The following LRRTM4 variants were observed in gnomAD, a reference collection of about 807,000 sequenced individuals.
LRRTM4 encodes leucine-rich repeat transmembrane neuronal protein 4.
LRRTM4 carries 25 observed loss-of-function variants against 47.6 expected under a neutral mutation model. The observed-to-expected ratio is 0.53, with a 90% confidence interval of 0.38 to 0.73. The LOEUF is 0.73. Ranked by LOEUF, LRRTM4 falls within the 30% of genes least tolerant of loss-of-function variation. The probability of loss-of-function intolerance (pLI) is 0.00; values close to 1 mark genes in which losing one functional copy is unlikely to be tolerated. For missense variants in LRRTM4, 638 were observed against 713.4 expected, an observed-to-expected ratio of 0.89 and a Z score of 1.20; for synonymous variants, 311 against 269.5, an observed-to-expected ratio of 1.15 and a Z score of -1.51.
In LRRTM4 at chr2:77,010,690, C is replaced by T. The variant is rs181586003; in HGVS notation, c.1552-261774G>A. On this transcript the variant is annotated intron_variant, in intron 3 of 3. Coordinates refer to ENST00000409884, the MANE Select transcript of LRRTM4 (RefSeq NM_001134745.3). The stretch of plus-strand genomic sequence containing the variant: ...AAACAGAACTCTTTTGTATCATGTT[C>T]AAAACTGTATCTGCCTTCTTTTCTC... Among the ~76,000 whole-genome samples the T allele has an allele frequency of 3.7e-4, 56 of 152,098 alleles. 1 individual carries two copies. The highest frequency in any genetic ancestry group is 3.2e-3 in the Admixed American group (49 of 15,232).
chr2:77,223,548 A>T (rs1192149517), intron 3 of LRRTM4, among the ~76,000 whole-genome samples: 1 of 152,220 alleles, frequency 6.6e-6, no homozygotes, highest in East Asian at 1.9e-4. Flanking sequence ...AATCACAAGC[A>T]TTCTTATACA....
At chr2:76,816,644 TAATA>T (rs1019072744) in intron 3 of LRRTM4, among the ~76,000 whole-genome samples, 5 of 151,788 alleles carry the variant, frequency 3.3e-5, no homozygotes, top group African/African-American at 1.2e-4. Flanking sequence ...CATATTTTCT[TAATA>T]ATTAGTTCCC....
At position 77,457,052 on chromosome 2, in the gene LRRTM4, G is replaced by GTATATATATATA. The variant is rs1322489175; in HGVS notation, c.1551+61265_1551+61266insTATATATATATA. On this transcript the variant is annotated intron_variant, in intron 3 of 3. Coordinates refer to ENST00000409884, the MANE Select transcript of LRRTM4 (RefSeq NM_001134745.3). ...TATATATATATATATATATATATAT[G>GTATATATATATA]TATAACCTGGAACTCTTTGACAAGC... Among the ~76,000 whole-genome samples the GTATATATATATA allele has an allele frequency of 2.3e-4, 2 of 8,792 alleles. 1 individual carries two copies. Among genetic ancestry groups the GTATATATATATA allele is most frequent in the East Asian group, 4.6e-3 (2 of 436 alleles). 5.8% of individuals were successfully genotyped at this position (8,792 alleles called of 152,430 possible). A position where few individuals can be genotyped will look rare whatever the true frequency, so the allele number is the denominator to read the frequency against.
chr2:77,463,884 C>A (rs753160611), intron 3 of LRRTM4, among the ~76,000 whole-genome samples: 1 of 152,076 alleles, frequency 6.6e-6, no homozygotes, highest in Non-Finnish European at 1.5e-5. Context: ...ATTACCAGCG[C>A]ACCATTATAC....
intron 3 of LRRTM4, among the ~76,000 whole-genome samples, chr2:76,911,999 ACT>A (rs1674082280): frequency 7.1e-6 from 1 of 140,736 alleles, no homozygotes; most frequent in Non-Finnish European, 1.5e-5. Flanking sequence ...GCCGATCTCC[ACT>A]CACTGCAAGC....
chr2:77,151,489 T>C (rs1174536683), intron 3 of LRRTM4, among the ~76,000 whole-genome samples: 1 of 152,216 alleles, frequency 6.6e-6, no homozygotes, highest in Non-Finnish European at 1.5e-5. Flanking sequence ...AGAGGTTCAT[T>C]GTAGCATTAT....
intron 3 of LRRTM4, among the ~76,000 whole-genome samples, chr2:77,003,847 G>T (rs2104033723): frequency 6.6e-6 from 1 of 152,278 alleles, no homozygotes; most frequent in Non-Finnish European, 1.5e-5. Flanking sequence ...ACTTCTTAGA[G>T]ACTTGTTGAA....
At chr2:77,497,569 C>A (rs1678411324) in intron 3 of LRRTM4, among the ~76,000 whole-genome samples, 1 of 151,284 alleles carries the variant, frequency 6.6e-6, no homozygotes, top group African/African-American at 2.4e-5. Context: ...AATATTAAGT[C>A]TACATCTACA....
chr2:77,290,000 T>G (rs1310324469), intron 3 of LRRTM4, among the ~76,000 whole-genome samples: 1 of 149,122 alleles, frequency 6.7e-6, no homozygotes, highest in African/African-American at 2.6e-5. Context: ...ACTTCTTCTT[T>G]AAGTTTGTTT....
At chr2:77,003,441 C>T (rs976129962) in intron 3 of LRRTM4, among the ~76,000 whole-genome samples, 1 of 152,036 alleles carries the variant, frequency 6.6e-6, no homozygotes, top group African/African-American at 2.4e-5. Flanking sequence ...CTGAATCATG[C>T]AGATGGGTTT....
intron 3 of LRRTM4, among the ~76,000 whole-genome samples, chr2:76,958,897 T>C (rs956200123): frequency 6.6e-6 from 1 of 151,690 alleles, no homozygotes; most frequent in Non-Finnish European, 1.5e-5. Context: ...AGTATCTTGC[T>C]GGACTAGTTT....
intron 3 of LRRTM4, among the ~76,000 whole-genome samples, chr2:76,838,706 A>T (rs1038337304): frequency 6.6e-6 from 1 of 152,080 alleles, no homozygotes; most frequent in Non-Finnish European, 1.5e-5. Flanking sequence ...GAAACATGTA[A>T]AAATGCATTT....
chr2:77,054,261 G>T (rs1285742700), intron 3 of LRRTM4, among the ~76,000 whole-genome samples: 1 of 151,522 alleles, frequency 6.6e-6, no homozygotes, highest in Non-Finnish European at 1.5e-5. Context: ...ACAAGTAATG[G>T]TTTCCAGCAA....
chr2:77,471,318 A>G (rs1677179694), intron 3 of LRRTM4, among the ~76,000 whole-genome samples: 1 of 152,168 alleles, frequency 6.6e-6, no homozygotes, highest in South Asian at 2.1e-4. Context: ...ATAATTTCCA[A>G]GAATGACTAC....
rs7597923 is a variant in LRRTM4, at chr2:77,007,727, T to A, written c.1552-258811A>T. On this transcript the variant is annotated intron_variant, in intron 3 of 3. Transcript: ENST00000409884. ...GGTATTTATAGTCTTCTTGCAATGG[T>A]TCGGTGGAAAAGAAAAGGCTACATG... 6.2e-4 allele frequency among the ~76,000 whole-genome samples: 95 copies of A among 152,044 alleles called. 1 individual carries two copies. In the South Asian group the frequency reaches 0.019, roughly 31 times the overall value.
rs147297349 is a variant in LRRTM4, at chr2:77,449,882, A to G, written c.1551+68436T>C. The stretch of plus-strand genomic sequence containing the variant: ...TCCAGCGCTGCTGTTAATGAATTCC[A>G]CTCCTACCTAAACCAGCCAGAGTCA... On this transcript the variant is annotated intron_variant, in intron 3 of 3. Transcript: ENST00000409884. Among the ~76,000 whole-genome samples the G allele has an allele frequency of 4.1e-3, 626 of 151,958 alleles. 14 individuals are homozygous for G. The highest frequency in any genetic ancestry group is 1.1e-3 in the Non-Finnish European group (78 of 67,940).
chr2:77,407,232 G>C (rs1272518170), intron 3 of LRRTM4, among the ~76,000 whole-genome samples: 1 of 151,900 alleles, frequency 6.6e-6, no homozygotes, highest in Non-Finnish European at 1.5e-5. Context: ...ATTTGAAAAA[G>C]GGACAAGTGA....
At chr2:76,948,376 G>T (rs1400061949) in intron 3 of LRRTM4, among the ~76,000 whole-genome samples, 1 of 151,804 alleles carries the variant, frequency 6.6e-6, no homozygotes, top group Non-Finnish European at 1.5e-5. Context: ...CAAATGTCTT[G>T]CCTTTTAGTG....
chr2:77,407,705 A>T (rs534644309), intron 3 of LRRTM4, among the ~76,000 whole-genome samples: 6,767 of 139,394 alleles, frequency 0.049, 179 homozygotes, highest in South Asian at 0.088. Context: ...TGATATATAT[A>T]ATATATCATA....
Sources: allele counts gnomAD v4.1 joint callset (sites outside exome capture counted in the v4.1 genomes callset), GRCh38; gene constraint gnomAD v4.1.1; transcripts MANE v1.5; gene names NCBI Gene and HGNC (gene_info 2026-07-23, HGNC 2026-07-21).